The following COL4A5 variants were observed in gnomAD, a reference collection of about 807,000 sequenced individuals.
The protein encoded by COL4A5 is collagen type IV alpha 5 chain.
A neutral mutation model predicts 130.2 loss-of-function variants in COL4A5; 26 were observed. That is an observed-to-expected ratio of 0.20 (90% CI 0.15 to 0.28). The LOEUF (loss-of-function observed/expected upper bound fraction) is 0.28, where lower values mean the gene tolerates loss of function less well. Among genes scored for constraint, COL4A5 ranks in the 10% least tolerant of loss-of-function variants. The pLI is 1.00. For missense variants in COL4A5, 1,131 were observed against 1,344.3 expected, an observed-to-expected ratio of 0.84 and a Z score of 2.48; for synonymous variants, 496 against 439.6, an observed-to-expected ratio of 1.13 and a Z score of -1.60.
chrX:108,514,683 A>C (rs1157560271), intron 1 of COL4A5, among the ~76,000 whole-genome samples: 1 of 112,165 alleles, frequency 8.9e-6, no homozygotes, highest in East Asian at 2.8e-4. Flanking sequence ...TCAATCACTT[A>C]TTTTAATTGT....
At chrX:108,473,633 A>ATATATATATATATATATATATTTTTTT in intron 1 of COL4A5, among the ~76,000 whole-genome samples, 1 of 34,567 alleles carries the variant, frequency 2.9e-5, no homozygotes, top group Non-Finnish European at 6.0e-5. Flanking sequence ...ATATATATAT[A>ATATATATATATATATATATATTTTTTT]TTTTTTTTTT....
At chrX:108,652,199 C>T (rs1172423170) in intron 36 of COL4A5, among the ~76,000 whole-genome samples, 3 of 111,941 alleles carry the variant, frequency 2.7e-5, no homozygotes, top group African/African-American at 9.7e-5. Context: ...TATATCCAAA[C>T]TCATAAGTAT....
intron 10 of COL4A5, among the ~76,000 whole-genome samples, chrX:108,576,213 G>T (rs1270799609): frequency 1.8e-5 from 2 of 111,871 alleles, no homozygotes; most frequent in African/African-American, 6.5e-5. Flanking sequence ...GAAATATTTT[G>T]TTGGTTGCTC....
chrX:108,451,213 A>G (rs1333829673), intron 1 of COL4A5, among the ~76,000 whole-genome samples: 10 of 110,437 alleles, frequency 9.1e-5, no homozygotes, highest in Non-Finnish European at 1.9e-4. Context: ...CATGGTGTAT[A>G]TGTGCCACAT....
intron 36 of COL4A5, among the ~76,000 whole-genome samples, chrX:108,648,199 A>G (rs2067648167): frequency 9.0e-6 from 1 of 110,777 alleles, no homozygotes; most frequent in African/African-American, 3.3e-5. Context: ...CCCATCTTAA[A>G]TCAGGAAGAA....
chrX:108,509,698 C>T (rs747927981), intron 1 of COL4A5, among the ~76,000 whole-genome samples: 1 of 112,144 alleles, frequency 8.9e-6, no homozygotes, highest in African/African-American at 3.2e-5. Context: ...CACTTATACA[C>T]TGTTGGTGGG....
At chrX:108,687,834 A>G in intron 49 of COL4A5, 140 bp downstream of exon 49, 3 of 529,926 alleles carry the variant, frequency 5.7e-6, no homozygotes, top group Non-Finnish European at 9.8e-6. Flanking sequence ...GTCAAAGGCA[A>G]CTGAATATAT....
chrX:108,576,624 G>C (rs2066154332), intron 10 of COL4A5, among the ~76,000 whole-genome samples: 1 of 111,926 alleles, frequency 8.9e-6, no homozygotes, highest in South Asian at 3.7e-4. Flanking sequence ...CTCTTAAAAG[G>C]GCAAGAAAAT....
intron 1 of COL4A5, among the ~76,000 whole-genome samples, chrX:108,473,633 A>ATATATATTTT: frequency 2.0e-4 from 7 of 34,560 alleles, no homozygotes; most frequent in East Asian, 4.9e-4. Context: ...ATATATATAT[A>ATATATATTTT]TTTTTTTTTT....
In COL4A5 at chrX:108,571,394, T is replaced by C; in HGVS notation, c.385-19T>C. The C allele has an allele frequency of 1.7e-6, 2 of 1,166,567 alleles. No homozygotes were observed. Among genetic ancestry groups the C allele is most frequent in the Non-Finnish European group, 2.3e-6 (2 of 855,754 alleles). The stretch of plus-strand genomic sequence containing the variant: ...TTGTTTCTTGTTCCTCCATGCTCTT[T>C]ATTTTTAACTCCTTCTAGGGAGAAC... On this transcript the variant is annotated intron_variant, in intron 6 of 52. Coordinates refer to ENST00000328300, the MANE Select transcript of COL4A5 (RefSeq NM_033380.3).
intron 49 of COL4A5, among the ~76,000 whole-genome samples, chrX:108,692,515 A>G (rs183323460): frequency 2.9e-4 from 32 of 112,124 alleles, no homozygotes; most frequent in African/African-American, 1.0e-3. Context: ...TAAAAACAGC[A>G]TTAGGGAATA....
At chrX:108,576,547 AT>A (rs1450243432) in intron 10 of COL4A5, among the ~76,000 whole-genome samples, 3 of 111,835 alleles carry the variant, frequency 2.7e-5, no homozygotes, top group Non-Finnish European at 5.6e-5. Context: ...AATTCTAAGT[AT>A]TTTTACTTCT....
chrX:108,598,089 G>T (rs1049760045), intron 24 of COL4A5, among the ~76,000 whole-genome samples: 1 of 111,033 alleles, frequency 9.0e-6, no homozygotes, highest in African/African-American at 3.3e-5. Flanking sequence ...TACTCGGGAG[G>T]CTGAGGCAGG....
intron 36 of COL4A5, among the ~76,000 whole-genome samples, chrX:108,639,198 CA>C (rs1459089551): frequency 9.0e-6 from 1 of 110,932 alleles, no homozygotes; most frequent in Non-Finnish European, 1.9e-5. Context: ...GACATAAAGA[CA>C]GCAAATAGAC....
intron 40 of COL4A5, 111 bp from the exon 41 acceptor site, chrX:108,668,208 A>T: frequency 1.4e-6 from 1 of 731,933 alleles, no homozygotes; most frequent in Non-Finnish European, 2.1e-6. Flanking sequence ...AGGAGATAGA[A>T]ATGACTCTTG....
chrX:108,609,477 C>G (rs1217741130), intron 29 of COL4A5, among the ~76,000 whole-genome samples: 1 of 111,667 alleles, frequency 9.0e-6, no homozygotes. Context: ...TTTCTATGTC[C>G]TGCATACTGG....
At chrX:108,600,526 G>A (rs905263130) in intron 25 of COL4A5, among the ~76,000 whole-genome samples, 1 of 111,309 alleles carries the variant, frequency 9.0e-6, no homozygotes, top group African/African-American at 3.3e-5. Flanking sequence ...GTTTACTACA[G>A]TTTGATTTTT....
At chrX:108,689,113 CT>C (rs2068603392) in intron 49 of COL4A5, among the ~76,000 whole-genome samples, 1 of 111,359 alleles carries the variant, frequency 9.0e-6, no homozygotes, top group African/African-American at 3.3e-5. Flanking sequence ...TCCTCTGCTA[CT>C]TTTCTTTCTC....
intron 1 of COL4A5, among the ~76,000 whole-genome samples, chrX:108,521,957 C>T (rs749972701): frequency 8.1e-5 from 9 of 111,133 alleles, no homozygotes; most frequent in East Asian, 5.7e-4. Context: ...TTAGCTGTCA[C>T]GTTCCATGGC....
Sources: gnomAD v4.1 joint callset for allele counts (sites outside exome capture counted in the v4.1 genomes callset) on GRCh38, gnomAD v4.1.1 for gene constraint, MANE v1.5 for transcripts, NCBI Gene and HGNC (gene_info 2026-07-23, HGNC 2026-07-21) for gene names.